Variants in ASB4 observed in about 807,000 individuals in gnomAD.
The protein encoded by ASB4 is ankyrin repeat and SOCS box protein 4.
In ASB4, 35 loss-of-function variants were observed where a neutral mutation model predicts 38.6. That is an observed-to-expected ratio of 0.91 (90% confidence interval 0.69 to 1.20). The LOEUF (loss-of-function observed/expected upper bound fraction) is 1.20. ASB4 is among the 50% of genes most tolerant of loss of function. The pLI is 0.00. For missense variants in ASB4, 557 were observed against 527.2 expected (o/e 1.06, Z -0.55); for synonymous variants, 195 against 201.3 (o/e 0.97, Z 0.26).
intron 2 of ASB4, among the ~76,000 whole-genome samples, chr7:95,505,597 G>T (rs929116791): frequency 1.3e-5 from 2 of 151,664 alleles, no homozygotes; most frequent in Non-Finnish European, 2.9e-5. Flanking sequence ...AAGTGGAAAA[G>T]AATAAGTAGC....
chr7:95,523,112 T>A (rs1790685859), intron 2 of ASB4, among the ~76,000 whole-genome samples: 1 of 152,206 alleles, frequency 6.6e-6, no homozygotes, highest in African/African-American at 2.4e-5. Flanking sequence ...TAAATTGATA[T>A]GTACACCAAA....
At chr7:95,511,686 A>C (rs1408732583) in intron 2 of ASB4, among the ~76,000 whole-genome samples, 4 of 152,112 alleles carry the variant, frequency 2.6e-5, no homozygotes, top group Non-Finnish European at 5.9e-5. Context: ...AAATAAATAA[A>C]AATAACAACA....
At chr7:95,531,947 C>G (rs1361815205) in intron 3 of ASB4, among the ~76,000 whole-genome samples, 2 of 152,148 alleles carry the variant, frequency 1.3e-5, no homozygotes, top group Non-Finnish European at 2.9e-5. Flanking sequence ...TTTAGTTTGG[C>G]TGTATGCTAA....
chr7:95,505,676 T>A (rs1790397063), intron 2 of ASB4, among the ~76,000 whole-genome samples: 1 of 137,942 alleles, frequency 7.2e-6, no homozygotes, highest in African/African-American at 2.6e-5. Flanking sequence ...CTCCTTTTCC[T>A]CTATCCGTGT....
upstream of ASB4, among the ~76,000 whole-genome samples, chr7:95,482,566 A>G (rs1231774469): frequency 6.6e-6 from 1 of 152,220 alleles, no homozygotes; most frequent in Non-Finnish European, 1.5e-5. Context: ...GGATATTTCT[A>G]AATCACCTTA....
intron 2 of ASB4, among the ~76,000 whole-genome samples, chr7:95,501,391 G>A (rs921807081): frequency 6.6e-6 from 1 of 152,180 alleles, no homozygotes; most frequent in African/African-American, 2.4e-5. Context: ...TCAATGAAGT[G>A]GAACATGGTA....
upstream of ASB4, among the ~76,000 whole-genome samples, chr7:95,481,618 A>G (rs538572557): frequency 6.6e-6 from 1 of 152,314 alleles, no homozygotes; most frequent in African/African-American, 2.4e-5. Context: ...GTAGCATCAA[A>G]TTCATGTTTA....
chr7:95,511,818 A>T (rs533287608), intron 2 of ASB4, among the ~76,000 whole-genome samples: 1 of 152,366 alleles, frequency 6.6e-6, no homozygotes, highest in African/African-American at 2.4e-5. Context: ...AAATTGCTTA[A>T]TAGTGAAATC....
In ASB4 at chr7:95,479,256, C is replaced by T. The variant is rs148761257; in HGVS notation, n.157+656C>T. 3.4e-3 allele frequency among the ~76,000 whole-genome samples: 518 copies of T among 152,318 alleles called. 6 individuals are homozygous for T. The highest frequency in any genetic ancestry group is 0.012 in the African/African-American group (492 of 41,568). ...TCAGTCTGACGGTCTTTCACCATAA[C>T]ACCACTTAGTATTTCTCAGGAAAAA... On this transcript the variant is annotated intron_variant and non_coding_transcript_variant, in intron 1 of 1. Transcript: ENST00000257621.
At chr7:95,487,264 G>A (rs1474142510) in intron 1 of ASB4, among the ~76,000 whole-genome samples, 1 of 152,046 alleles carries the variant, frequency 6.6e-6, no homozygotes, top group African/African-American at 2.4e-5. Context: ...GGCATTAATG[G>A]CATTAATATT....
rs750696626 is a variant in ASB4 at position 95,528,251 on chromosome 7, A to G, written c.926A>G (p.Gln309Arg). 3.5e-5 allele frequency: 56 copies of G among 1,614,032 alleles called. No homozygotes were observed. The East Asian group carries it at 1.2e-3, about 35-fold the overall frequency. ...RPAAQPEICY[Q>R]LLLNHGAARI... ...GCTGCCCAGCCTGAGATCTGCTACC[A>G]GCTCCTGTTGAACCATGGGGCTGCC... is the stretch of plus-strand genomic sequence containing the variant. Residue 309 changes from glutamine (Q) to arginine (R), a missense_variant, in exon 3 of 5, where the codon CAG becomes CGG. Physicochemically the swap from Gln to Arg is conservative, Grantham distance 43. Transcript: ENST00000325885.
chr7:95,547,945 T>C, the ASB4 span, among the ~76,000 whole-genome samples: 5 of 152,360 alleles, frequency 3.3e-5, no homozygotes, highest in East Asian at 7.7e-4. Context: ...TCTCTTAACA[T>C]ATTTTTTATC....
chr7:95,480,007 C>T (rs1285063471), intron 1 of ASB4, among the ~76,000 whole-genome samples: 1 of 152,142 alleles, frequency 6.6e-6, no homozygotes, highest in Non-Finnish European at 1.5e-5. Context: ...AGTTTTTGTT[C>T]AAGGCAAGTG....
intron 3 of ASB4, among the ~76,000 whole-genome samples, chr7:95,529,766 A>G (rs1790793793): frequency 6.6e-6 from 1 of 152,178 alleles, no homozygotes; most frequent in South Asian, 2.1e-4. Context: ...TTGAGCTCTA[A>G]ATAGGTTTTA....
intron 1 of ASB4, among the ~76,000 whole-genome samples, chr7:95,486,756 C>A (rs116179696): frequency 0.031 from 4,707 of 152,224 alleles, 235 homozygotes; most frequent in African/African-American, 0.11. Context: ...TCCTGGACTA[C>A]AATAATTGTT....
intron 2 of ASB4, among the ~76,000 whole-genome samples, chr7:95,517,369 G>A (rs62467682): frequency 0.079 from 12,031 of 152,074 alleles, 542 homozygotes; most frequent in Non-Finnish European, 0.095. Context: ...CTAGACACGA[G>A]TCTTTTATCA....
At chr7:95,515,336 T>TTCCTTCCTTC (rs1188226158) in intron 2 of ASB4, among the ~76,000 whole-genome samples, 8 of 92,490 alleles carry the variant, frequency 8.6e-5, no homozygotes, top group Middle Eastern at 5.0e-3. Context: ...TTCCTTCCTT[T>TTCCTTCCTTC]CTTTCTTTCT....
At chr7:95,473,129 G>C in the ASB4 span, among the ~76,000 whole-genome samples, 2 of 152,156 alleles carry the variant, frequency 1.3e-5, no homozygotes, top group East Asian at 3.9e-4. Flanking sequence ...AACTAGGAGA[G>C]AAAAAAAGTC....
rs752482006 is a variant in ASB4, at chr7:95,537,637, T to G, written c.1159T>G (p.Leu387Val). The change falls in exon 5 of 5, where the codon TTA becomes GTA. Residue 387 changes from leucine to valine, a missense_variant. By Grantham distance (32) the Leu-to-Val change is conservative. Transcript: ENST00000325885. ...CCNSPRTLMH[L>V]SRCAIRRTLH... ...TAACTCTCCAAGGACTCTCATGCAC[T>G]TATCGAGATGTGCCATTAGAAGAAC... The G allele has an allele frequency of 3.7e-6, 6 of 1,613,620 alleles. No individual in the cohort carries two copies. The highest frequency in any genetic ancestry group is 5.1e-6 in the Non-Finnish European group (6 of 1,179,682).
Sources: gnomAD v4.1 joint callset for allele counts (sites outside exome capture counted in the v4.1 genomes callset) on GRCh38, gnomAD v4.1.1 for gene constraint, MANE v1.5 for transcripts, NCBI Gene and HGNC (gene_info 2026-07-23, HGNC 2026-07-21) for gene names.